KLHL3: variants seen among roughly 807,000 people sequenced by gnomAD.
KLHL3 encodes the protein kelch-like protein 3.
A neutral mutation model predicts 70.5 loss-of-function variants in KLHL3; 19 were observed. The observed-to-expected ratio is 0.27, with a 90% confidence interval of 0.19 to 0.40. The LOEUF is 0.40. KLHL3 is among the 10% of genes least tolerant of loss of function. The pLI is 1.00. For synonymous variants in KLHL3, 258 were observed against 290.3 expected (o/e 0.89, Z 1.13); for missense variants, 512 against 771.1 (o/e 0.66, Z 3.98).
At chr5:137,720,279 T>G (rs1752972037) in intron 2 of KLHL3, among the ~76,000 whole-genome samples, 186 bp downstream of exon 2, 1 of 149,508 alleles carries the variant, frequency 6.7e-6, no homozygotes, top group African/African-American at 2.5e-5. Context: ...CCAGCCTGGA[T>G]GACAGAGCAA....
chr5:137,626,362 G>A (rs1215145534), intron 13 of KLHL3, among the ~76,000 whole-genome samples: 1 of 152,134 alleles, frequency 6.6e-6, no homozygotes, highest in Non-Finnish European at 1.5e-5. Flanking sequence ...TGATGCTGAT[G>A]GTTATGTCTC....
At chr5:137,723,331 G>T (rs913774759) in intron 1 of KLHL3, among the ~76,000 whole-genome samples, 2 of 152,122 alleles carry the variant, frequency 1.3e-5, no homozygotes, top group African/African-American at 4.8e-5. Context: ...AGATCAATTT[G>T]GATAGAACCA....
rs1253729342 is a variant in KLHL3, at chr5:137,621,920, G to A, written c.*178C>T. ...GCCAGAGCACCTCAGGGGAACGGGGGTGGGTAATGGTGTCCACACTGCGAT... is the reference window on the plus strand; with the variant it reads ...GCCAGAGCACCTCAGGGGAACGGGGATGGGTAATGGTGTCCACACTGCGAT... On this transcript the variant is annotated 3_prime_UTR_variant, in exon 15 of 15. Coordinates refer to ENST00000309755, the MANE Select transcript of KLHL3 (RefSeq NM_017415.3). The A allele has an allele frequency of 2.9e-6, 2 of 679,480 alleles. No homozygotes were observed. Among genetic ancestry groups the A allele is most frequent in the Non-Finnish European group, 5.3e-6 (2 of 375,814 alleles). 42.1% of individuals were successfully genotyped at this position (679,480 alleles called of 1,614,324 possible).
intron 2 of KLHL3, among the ~76,000 whole-genome samples, chr5:137,718,212 A>G (rs192977114): frequency 3.3e-4 from 51 of 152,390 alleles, no homozygotes; most frequent in Admixed American, 2.5e-3. Flanking sequence ...GAATTATACA[A>G]AAGAGAAGAA....
At position 137,644,709 on chromosome 5, in the gene KLHL3, G is replaced by T. The variant is rs1751000186; in HGVS notation, c.904-4732C>A. Among the ~76,000 whole-genome samples the T allele has an allele frequency of 2.0e-5, 3 of 152,320 alleles. No individual in the cohort carries two copies. The South Asian group carries it at 6.2e-4, about 32-fold the overall frequency. ...TCAAAGAAAAGCCCAGAACCTGATA[G>T]TTTCACTGCTGAATTCTAACAAACA... On this transcript the variant is annotated intron_variant, in intron 8 of 14. Transcript: ENST00000309755.
chr5:137,630,835 C>A (rs1750617395), intron 12 of KLHL3, among the ~76,000 whole-genome samples: 1 of 152,062 alleles, frequency 6.6e-6, no homozygotes, highest in Non-Finnish European at 1.5e-5. Context: ...GGCAATGGCC[C>A]CACGTTCAGG....
At chr5:137,661,159 T>G (rs904207258) in intron 7 of KLHL3, 1 of 152,242 alleles carries the variant, frequency 6.6e-6, no homozygotes, top group Admixed American at 6.5e-5. Flanking sequence ...GGCAGCTAGC[T>G]TAGCGGAAGA....
chr5:137,706,341 T>C (rs1294526229), intron 3 of KLHL3: 2 of 985,260 alleles, frequency 2.0e-6, no homozygotes, highest in Non-Finnish European at 2.4e-6. Context: ...CTGAACCTGA[T>C]AATTAGAACA....
intron 8 of KLHL3, among the ~76,000 whole-genome samples, chr5:137,643,983 T>C (rs1014853779): frequency 6.6e-6 from 1 of 152,122 alleles, no homozygotes; most frequent in Non-Finnish European, 1.5e-5. Context: ...TCATGTGGTG[T>C]TTGTCTTTCT....
chr5:137,633,574 C>T (rs912329163), intron 12 of KLHL3, among the ~76,000 whole-genome samples: 38 of 152,126 alleles, frequency 2.5e-4, no homozygotes, highest in African/African-American at 9.2e-4. Context: ...TCTAAGTATC[C>T]ATCAATGGCT....
rs557366086 is a variant in KLHL3, at chr5:137,730,690, G to T, written c.14+4943C>A. On this transcript the variant is annotated intron_variant, in intron 1 of 14. Coordinates refer to ENST00000309755, the MANE Select transcript of KLHL3 (RefSeq NM_017415.3). ...TACACAGACAGATAGAATTAGACAA[G>T]AAGAGAGAAAGACTAAAAGAAAACA... Among the ~76,000 whole-genome samples, 6 of 152,286 alleles carry T rather than the reference G, an allele frequency of 3.9e-5. No individual in the cohort carries two copies. In the East Asian group the frequency reaches 9.6e-4, roughly 24 times the overall value.
At chr5:137,705,754 G>T (rs1264309919) in intron 3 of KLHL3, among the ~76,000 whole-genome samples, 1 of 152,156 alleles carries the variant, frequency 6.6e-6, no homozygotes, top group Non-Finnish European at 1.5e-5. Context: ...CCCATATGGA[G>T]TACAAATACT....
chr5:137,732,942 T>C (rs1175592865), intron 1 of KLHL3, among the ~76,000 whole-genome samples: 1 of 152,246 alleles, frequency 6.6e-6, no homozygotes, highest in African/African-American at 2.4e-5. Context: ...GCTAGGTCTA[T>C]GTTACTCCAA....
chr5:137,631,069 C>CAAAAAAAAAAAAA (rs70979549), intron 12 of KLHL3, among the ~76,000 whole-genome samples: 3 of 105,790 alleles, frequency 2.8e-5, no homozygotes, highest in Non-Finnish European at 3.8e-5. Context: ...TCCAAAAATA[C>CAAAAAAAAAAAAA]AAAAAAAAAA....
chr5:137,701,060 T>G (rs1362017313), intron 3 of KLHL3, among the ~76,000 whole-genome samples: 1 of 151,988 alleles, frequency 6.6e-6, no homozygotes. Flanking sequence ...GAGATGGAGT[T>G]TTGCTCTTGT....
chr5:137,671,654 T>G lies in KLHL3; in HGVS notation c.636+5891A>C, dbSNP rs553636544. ...ATAATCTCTGCCTTGCAACTTGTTG[T>G]GAGGATTAGAAATGATGTTCTCTGA... On this transcript the variant is annotated intron_variant, in intron 6 of 14. Transcript: ENST00000309755. The G allele has an allele frequency of 7.9e-5, 12 of 152,258 alleles. No individual in the cohort carries two copies. In the East Asian group the frequency reaches 2.1e-3, roughly 27 times the overall value. 9.4% of individuals were successfully genotyped at this position (152,258 alleles called of 1,614,324 possible).
intron 8 of KLHL3, among the ~76,000 whole-genome samples, chr5:137,648,033 C>T (rs376092694): frequency 6.6e-6 from 1 of 152,180 alleles, no homozygotes; most frequent in African/African-American, 2.4e-5. Flanking sequence ...AAATAGTAAA[C>T]ACTAAATGTT....
chr5:137,671,696 G>GA (rs1473795458), intron 6 of KLHL3: 1 of 152,160 alleles, frequency 6.6e-6, no homozygotes, highest in Non-Finnish European at 1.5e-5. Context: ...TGCTGGACAG[G>GA]AAAAAATCAG....
Position 137,735,628 on chromosome 5 carries a change from C to T in KLHL3, c.14+5G>A. ...ACAACACAGCACACACTTATACATA[C>T]ATACCTTTCACCCTCCATTGTGTGA... On this transcript the variant is annotated splice_donor_5th_base_variant and intron_variant, in intron 1 of 14. Coordinates refer to ENST00000309755, the MANE Select transcript of KLHL3 (RefSeq NM_017415.3). 1 of 1,607,274 alleles carries T rather than the reference C, an allele frequency of 6.2e-7. No homozygotes were observed. Among genetic ancestry groups the T allele is most frequent in the Middle Eastern group, 1.7e-4 (1 of 6,054 alleles).
Sources: gnomAD v4.1 joint callset for allele counts (sites outside exome capture counted in the v4.1 genomes callset) on GRCh38, gnomAD v4.1.1 for gene constraint, MANE v1.5 for transcripts, NCBI Gene and HGNC (gene_info 2026-07-23, HGNC 2026-07-21) for gene names.